PPFIBP2: variants seen among roughly 807,000 people sequenced by gnomAD.
PPFIBP2 encodes the protein PPFIB scaffold protein 2.
Under a neutral mutation model 118.3 loss-of-function variants are expected in PPFIBP2, and 118 were observed. The observed-to-expected ratio is 1.00, with a 90% CI of 0.86 to 1.16. The LOEUF is 1.16. PPFIBP2 is among the 50% of genes most tolerant of loss of function. The pLI, the probability that PPFIBP2 is intolerant of heterozygous loss-of-function variation, is 0.00. For missense variants in PPFIBP2, 1,195 were observed against 1,073.1 expected, an observed-to-expected ratio of 1.11 and a Z score of -1.59; for synonymous variants, 414 against 397.4, an observed-to-expected ratio of 1.04 and a Z score of -0.50.
At chr11:7,628,199 C>A in intron 8 of PPFIBP2, 86 bp from the exon 9 acceptor site, 1 of 1,140,938 alleles carries the variant, frequency 8.8e-7, no homozygotes, top group Non-Finnish European at 1.3e-6. Context: ...GGCAAGTCTT[C>A]ATTTGAACTT....
At chr11:7,581,283 G>C (rs368865941) in intron 3 of PPFIBP2, among the ~76,000 whole-genome samples, 1 of 152,198 alleles carries the variant, frequency 6.6e-6, no homozygotes, top group Non-Finnish European at 1.5e-5. Context: ...TCCGAGCAGG[G>C]TCTGTGGGAC....
intron 6 of PPFIBP2, among the ~76,000 whole-genome samples, chr11:7,610,772 C>T (rs7130582): frequency 0.24 from 36,714 of 152,062 alleles, 4,541 homozygotes; most frequent in Middle Eastern, 0.36. Flanking sequence ...TGAAGTCAGC[C>T]TCCCAATAGG....
At chr11:7,523,295 G>A (rs796604638) in intron 1 of PPFIBP2, among the ~76,000 whole-genome samples, 17 of 152,268 alleles carry the variant, frequency 1.1e-4, no homozygotes, top group African/African-American at 3.4e-4. Context: ...TGTCATGGAC[G>A]CTGACACAGT....
rs114759014 is a variant in PPFIBP2 at position 7,631,227 on chromosome 11, A to T, written c.1068+199A>T. On this transcript the variant is annotated intron_variant, in intron 11 of 23. Coordinates refer to ENST00000299492, the MANE Select transcript of PPFIBP2 (RefSeq NM_003621.5). ...TCTGGCCTGTGCTCTGGTTGGAGGC[A>T]GCATGGTGGATACTGGAACTTTCAA... 1,175 of 542,078 alleles carry T rather than the reference A, an allele frequency of 2.2e-3. 16 individuals are homozygous for T. Among genetic ancestry groups the T allele is most frequent in the African/African-American group, 0.02 (1,072 of 52,982 alleles). 33.6% of individuals were successfully genotyped at this position (542,078 alleles called of 1,614,324 possible).
downstream of PPFIBP2, among the ~76,000 whole-genome samples, chr11:7,662,047 A>C (rs1307650576): frequency 7.8e-5 from 11 of 141,730 alleles, no homozygotes; most frequent in Admixed American, 2.1e-4. Context: ...GTGTCTCTGC[A>C]CGTGAGATGG....
intron 2 of PPFIBP2, among the ~76,000 whole-genome samples, chr11:7,562,552 G>T (rs951146697): frequency 4.6e-5 from 7 of 152,092 alleles, no homozygotes; most frequent in Non-Finnish European, 1.0e-4. Flanking sequence ...CACAAATTAC[G>T]AATATTAAGA....
chr11:7,630,077 T>G (rs778233312), intron 10 of PPFIBP2, among the ~76,000 whole-genome samples: 116 of 152,340 alleles, frequency 7.6e-4, no homozygotes, highest in Non-Finnish European at 5.4e-4. Flanking sequence ...AGGGTTCTTA[T>G]GGGCATAGTG....
chr11:7,621,024 T>G lies in PPFIBP2; in HGVS notation c.708T>G (p.Thr236=). 1 of 1,601,836 alleles carries G rather than the reference T, an allele frequency of 6.2e-7. No homozygotes were observed. Among genetic ancestry groups the G allele is most frequent in the Non-Finnish European group, 8.6e-7 (1 of 1,168,782 alleles). Residue 236 remains threonine, a synonymous_variant, in exon 7 of 24, where the codon ACT becomes ACG. Transcript: ENST00000299492. ...RNQYEWKLKA[T]KAEVAQLQEQ... is the part of the protein sequence containing the mutation. Reference sequence around the variant, plus strand: ...AGTATGAATGGAAGCTAAAGGCCACTAAGGTAAACGGCACTCCTGATGCTT... The same window carrying G: ...AGTATGAATGGAAGCTAAAGGCCACGAAGGTAAACGGCACTCCTGATGCTT...
intron 17 of PPFIBP2, among the ~76,000 whole-genome samples, chr11:7,643,702 T>C (rs1181167907): frequency 6.6e-6 from 1 of 152,246 alleles, no homozygotes; most frequent in Non-Finnish European, 1.5e-5. Flanking sequence ...TTATAATTTC[T>C]AGATATTAAT....
chr11:7,646,212 G>C (rs1853032658), intron 17 of PPFIBP2, among the ~76,000 whole-genome samples: 1 of 152,218 alleles, frequency 6.6e-6, no homozygotes, highest in South Asian at 2.1e-4. Context: ...TAAAACTCAT[G>C]TACTGCCGCA....
chr11:7,588,868 GTA>G (rs1453400846), intron 3 of PPFIBP2, among the ~76,000 whole-genome samples: 1 of 152,214 alleles, frequency 6.6e-6, no homozygotes, highest in Non-Finnish European at 1.5e-5. Flanking sequence ...AGGAGAGGTA[GTA>G]TGTTTCACTG....
intron 3 of PPFIBP2, among the ~76,000 whole-genome samples, chr11:7,566,956 C>T (rs992072627): frequency 4.6e-5 from 7 of 152,154 alleles, no homozygotes; most frequent in African/African-American, 1.7e-4. Context: ...CTGTTGTTTT[C>T]TATTAGGATT....
intron 3 of PPFIBP2, among the ~76,000 whole-genome samples, chr11:7,571,454 G>C (rs914548319): frequency 6.6e-6 from 1 of 152,030 alleles, no homozygotes; most frequent in Non-Finnish European, 1.5e-5. Flanking sequence ...GCTGTTTTAT[G>C]AATTATAAAA....
chr11:7,528,463 A>G (rs61628341), intron 1 of PPFIBP2, among the ~76,000 whole-genome samples: 4,524 of 152,292 alleles, frequency 0.03, 212 homozygotes, highest in African/African-American at 0.1. Context: ...GATAAGCCTG[A>G]ATCTTCTCTA....
chr11:7,534,140 CAA>C (rs2134369087), intron 1 of PPFIBP2, among the ~76,000 whole-genome samples: 1 of 152,232 alleles, frequency 6.6e-6, no homozygotes, highest in African/African-American at 2.4e-5. Flanking sequence ...GAAAGAGCAC[CAA>C]ATGAGTCATC....
intron 5 of PPFIBP2, among the ~76,000 whole-genome samples, chr11:7,604,679 A>G (rs116159117): frequency 0.018 from 2,681 of 152,294 alleles, 77 homozygotes; most frequent in African/African-American, 0.06. Context: ...TCAAGACGGA[A>G]GTTTCTTTAG....
Position 7,629,450 on chromosome 11 carries a change from C to T in PPFIBP2, c.889-9C>T. 6.2e-7 allele frequency: 1 copy of T among 1,613,514 alleles called. No individual in the cohort carries two copies. ...GCATTAATCTAAATCTCTACTTGCACTATGGCAGGACCGTCGGATAGAGGA... is the reference window on the plus strand; with the variant it reads ...GCATTAATCTAAATCTCTACTTGCATTATGGCAGGACCGTCGGATAGAGGA... On this transcript the variant is annotated splice_polypyrimidine_tract_variant and intron_variant, in intron 9 of 23. Transcript: ENST00000299492.
chr11:7,597,492 G>T, intron 4 of PPFIBP2, 68 bp from the exon 5 acceptor site: 2 of 1,529,884 alleles, frequency 1.3e-6, no homozygotes, highest in Admixed American at 1.9e-5. Flanking sequence ...GCTCCCCTGA[G>T]GTGGGGAGGC....
intron 5 of PPFIBP2, among the ~76,000 whole-genome samples, chr11:7,606,999 C>T (rs1322992452): frequency 7.2e-6 from 1 of 138,796 alleles, no homozygotes; most frequent in Non-Finnish European, 1.5e-5. Flanking sequence ...CAAGCTCTGC[C>T]TCCCAGGTTC....
Sources: gnomAD v4.1 joint callset for allele counts (sites outside exome capture counted in the v4.1 genomes callset) on GRCh38, gnomAD v4.1.1 for gene constraint, MANE v1.5 for transcripts, NCBI Gene and HGNC (gene_info 2026-07-23, HGNC 2026-07-21) for gene names.